DAPK2: variants seen among roughly 807,000 people sequenced by gnomAD.
DAPK2 encodes the protein death associated protein kinase 2.
DAPK2 carries 35 observed loss-of-function variants against 44.1 expected under a neutral mutation model. The observed-to-expected ratio is 0.79, with a 90% CI of 0.61 to 1.05. DAPK2 has a LOEUF of 1.05. DAPK2 is among the 50% of genes least tolerant of loss of function. The pLI, the probability that DAPK2 is intolerant of heterozygous loss-of-function variation, is 0.00. For synonymous variants in DAPK2, 174 were observed against 182.6 expected (o/e 0.95, Z 0.38); for missense variants, 453 against 483.2 (o/e 0.94, Z 0.59).
chr15:64,015,123 G>A (rs543117011), intron 1 of DAPK2, among the ~76,000 whole-genome samples: 21 of 152,276 alleles, frequency 1.4e-4, no homozygotes, highest in African/African-American at 5.1e-4. Context: ...AAGGCAGCAG[G>A]AAAGGGTACC....
intron 2 of DAPK2, among the ~76,000 whole-genome samples, chr15:63,974,245 T>C (rs1468935271): frequency 6.6e-6 from 1 of 152,214 alleles, no homozygotes; most frequent in Non-Finnish European, 1.5e-5. Context: ...AGTCAAACTC[T>C]GTAAAATATT....
chr15:63,998,487 T>C (rs1010409573), intron 1 of DAPK2, among the ~76,000 whole-genome samples: 3 of 152,222 alleles, frequency 2.0e-5, no homozygotes, highest in Non-Finnish European at 4.4e-5. Flanking sequence ...CTGGGGACTC[T>C]GCAGGGTCTC....
chr15:64,008,837 A>G (rs1052686330), intron 1 of DAPK2, among the ~76,000 whole-genome samples: 7 of 152,190 alleles, frequency 4.6e-5, no homozygotes, highest in African/African-American at 7.2e-5. Context: ...TAACCAACAG[A>G]GCAGTGCACT....
chr15:63,983,450 C>G (rs1040016928), intron 2 of DAPK2, 83 bp downstream of exon 3: 136 of 1,344,026 alleles, frequency 1.0e-4, no homozygotes, highest in Middle Eastern at 2.0e-4. Flanking sequence ...GCTGCTGCCC[C>G]CTGGGGCCTG....
Position 64,030,860 on chromosome 15 carries a change from C to G in DAPK2, c.92+9310G>C, listed in dbSNP as rs377013645. The stretch of plus-strand genomic sequence containing the variant: ...GCACATGCCTATAGCCCTAGCTACT[C>G]AGGAAGCTGAGGCGGGAGGATGCTG... On this transcript the variant is annotated intron_variant, in intron 1 of 10. Coordinates refer to ENST00000261891, the Ensembl canonical transcript of DAPK2. Among the ~76,000 whole-genome samples, 42 of 152,186 alleles carry G rather than the reference C, an allele frequency of 2.8e-4. 1 individual carries two copies. In the South Asian group the frequency reaches 7.9e-3, roughly 29 times the overall value.
At chr15:63,973,677 T>A (rs563579391) in intron 2 of DAPK2, among the ~76,000 whole-genome samples, 62 of 152,206 alleles carry the variant, frequency 4.1e-4, no homozygotes, top group Non-Finnish European at 6.9e-4. Context: ...CTGGAATTAA[T>A]TAAGAGTTTT....
At chr15:64,044,774 C>T (rs952987466), upstream of DAPK2, among the ~76,000 whole-genome samples, 3 of 152,294 alleles carry the variant, frequency 2.0e-5, no homozygotes, top group East Asian at 5.8e-4. Context: ...AGTGAACTCT[C>T]TCAGTTCCTC....
At chr15:63,914,000 G>A (rs78567175) in intron 8 of DAPK2, among the ~76,000 whole-genome samples, 108 of 152,246 alleles carry the variant, frequency 7.1e-4, no homozygotes, top group Non-Finnish European at 1.2e-3. Context: ...CTCCCAACCC[G>A]GGACCTACAA....
intron 8 of DAPK2, among the ~76,000 whole-genome samples, chr15:63,913,386 T>C (rs78778608): frequency 0.016 from 2,375 of 152,318 alleles, 65 homozygotes; most frequent in African/African-American, 0.055. Context: ...AAATTTAGTA[T>C]GTATGTACAG....
chr15:63,963,621 T>C (rs2077973752), intron 3 of DAPK2, among the ~76,000 whole-genome samples: 1 of 152,236 alleles, frequency 6.6e-6, no homozygotes, highest in Non-Finnish European at 1.5e-5. Flanking sequence ...TGTCTTCTTT[T>C]CCTTCTTTCC....
chr15:63,974,341 G>A (rs906614056), intron 2 of DAPK2, among the ~76,000 whole-genome samples: 1 of 152,206 alleles, frequency 6.6e-6, no homozygotes, highest in African/African-American at 2.4e-5. Context: ...GCCCAAGGTA[G>A]TTGGGTAACA....
intron 1 of DAPK2, among the ~76,000 whole-genome samples, chr15:64,026,441 G>A (rs907594131): frequency 6.6e-6 from 1 of 151,990 alleles, no homozygotes. Flanking sequence ...TCAGGGTTTC[G>A]CCATGTTGGC....
intron 1 of DAPK2, among the ~76,000 whole-genome samples, chr15:64,030,634 C>T (rs1208370718): frequency 6.6e-6 from 1 of 152,094 alleles, no homozygotes; most frequent in East Asian, 1.9e-4. Context: ...TCCCCTACCC[C>T]TACTCGCCCT....
chr15:63,949,114 A>T (rs1028726247), intron 3 of DAPK2, among the ~76,000 whole-genome samples: 1 of 151,988 alleles, frequency 6.6e-6, no homozygotes, highest in Non-Finnish European at 1.5e-5. Flanking sequence ...GTGCAGCTCC[A>T]TGTTTTTCCC....
intron 2 of DAPK2, 87 bp downstream of exon 3, chr15:63,983,446 G>GC (rs1376511992): frequency 4.0e-6 from 5 of 1,265,214 alleles, no homozygotes; most frequent in East Asian, 2.3e-5. Flanking sequence ...GGTTGCTGCT[G>GC]CCCCCTGGGG....
rs189722718 is a variant in DAPK2 at position 64,018,144 on chromosome 15, C to A, written c.92+22026G>T. ...TCTTAAGAAATTAAGTGAAATCCAACTTTGATGAAACCCAACTCTGAGGCA... is the reference window on the plus strand; with the variant it reads ...TCTTAAGAAATTAAGTGAAATCCAAATTTGATGAAACCCAACTCTGAGGCA... On this transcript the variant is annotated intron_variant, in intron 1 of 10. Coordinates refer to ENST00000261891, the Ensembl canonical transcript of DAPK2. 6.8e-4 allele frequency among the ~76,000 whole-genome samples: 103 copies of A among 152,340 alleles called. 1 individual carries two copies. Among genetic ancestry groups the A allele is most frequent in the African/African-American group, 2.5e-3 (103 of 41,580 alleles).
At chr15:64,004,480 C>T (rs577335218) in intron 1 of DAPK2, among the ~76,000 whole-genome samples, 2 of 152,352 alleles carry the variant, frequency 1.3e-5, no homozygotes, top group African/African-American at 4.8e-5. Flanking sequence ...TAATCTATGG[C>T]TTGCCTCATG....
chr15:63,908,500 G>A lies in DAPK2; in HGVS notation c.*20C>T. On this transcript the variant is annotated 3_prime_UTR_variant, in exon 11 of 11. Coordinates refer to ENST00000261891, the Ensembl canonical transcript of DAPK2. This position sits in a 1 kb window ranked among gnomAD's most constrained non-coding sequence, Gnocchi z 5.7. ...CCGCTGGGCCCAGACCTCCCTGGCG[G>A]CCACTGCAGGTCAGGCCAGTTAGGA... 1 of 1,547,770 alleles carries A rather than the reference G, an allele frequency of 6.5e-7. No individual in the cohort carries two copies. Among genetic ancestry groups the A allele is most frequent in the Non-Finnish European group, 8.8e-7 (1 of 1,142,412 alleles).
intron 1 of DAPK2, among the ~76,000 whole-genome samples, chr15:63,997,693 C>G (rs897925125): frequency 3.3e-5 from 5 of 152,142 alleles, no homozygotes; most frequent in Non-Finnish European, 7.4e-5. Flanking sequence ...GAAAACCCAC[C>G]CATCAAGTCT....
Sources: gnomAD v4.1 joint callset for allele counts (sites outside exome capture counted in the v4.1 genomes callset) on GRCh38, gnomAD v4.1.1 for gene constraint, Gnocchi (gnomAD v3.1) non-coding constraint, MANE v1.5 for transcripts, NCBI Gene and HGNC (gene_info 2026-07-23, HGNC 2026-07-21) for gene names.